Variants in CRTAP observed in about 807,000 individuals in gnomAD.
CRTAP encodes the protein cartilage associated protein.
A neutral mutation model predicts 42.7 loss-of-function variants in CRTAP; 33 were observed. That is an observed-to-expected ratio of 0.77 (90% CI 0.59 to 1.03). The LOEUF is 1.03. CRTAP is among the 50% of genes least tolerant of loss of function. The pLI, the probability that CRTAP is intolerant of heterozygous loss-of-function variation, is 0.00. For synonymous variants in CRTAP, 243 were observed against 217.7 expected (o/e 1.12, Z -1.02); for missense variants, 613 against 533.9 (o/e 1.15, Z -1.46).
rs748864250 is a variant in CRTAP at position 33,129,927 on chromosome 3, G to T, written c.794-12G>T. 6.2e-7 allele frequency: 1 copy of T among 1,611,362 alleles called. No homozygotes were observed. The highest frequency in any genetic ancestry group is 8.5e-7 in the Non-Finnish European group (1 of 1,177,738). ...GATCCACTGCTCTGAAAATTTATAT[G>T]TTTTGTTTCAGATCATTATGTAGAA... On this transcript the variant is annotated splice_polypyrimidine_tract_variant and intron_variant, in intron 3 of 6. Transcript: ENST00000320954.
chr3:33,130,535 T>C (rs1316440358), intron 4 of CRTAP, among the ~76,000 whole-genome samples: 4 of 128,792 alleles, frequency 3.1e-5, no homozygotes, highest in Non-Finnish European at 6.7e-5. Flanking sequence ...CTTTTTTTTT[T>C]TTTTTTTTTT....
At position 33,121,747 on chromosome 3, in the gene CRTAP, G is replaced by A. The variant is rs568573999; in HGVS notation, c.621+1254G>A. On this transcript the variant is annotated intron_variant, in intron 2 of 6. Transcript: ENST00000320954. The stretch of plus-strand genomic sequence containing the variant: ...CATGCCTCCACTTGGCCTCTGCTAC[G>A]TCTGGTCCCTGACTCCTCAGCCTTT... 4.6e-5 allele frequency among the ~76,000 whole-genome samples: 7 copies of A among 152,270 alleles called. No homozygotes were observed. In the South Asian group the frequency reaches 1.0e-3, roughly 23 times the overall value.
At position 33,124,552 on chromosome 3, in the gene CRTAP, T is replaced by C; in HGVS notation, c.766T>C (p.Phe256Leu). ...CGAGGGTTCCAGGGAGATCAAGGAC[T>C]TCAAGGATTTCTACCTTTCCATAGC... ...ACEGSREIKD[F>L]KDFYLSIADH... Residue 256 changes from phenylalanine to leucine, a missense_variant, in exon 3 of 7, where the codon TTC (phenylalanine) becomes CTC (leucine). By Grantham distance (22) the Phe-to-Leu change is conservative (BLOSUM62 0). Coordinates refer to ENST00000320954, the MANE Select transcript of CRTAP (RefSeq NM_006371.5). The C allele has an allele frequency of 6.2e-7, 1 of 1,614,260 alleles. No homozygotes were observed. Among genetic ancestry groups the C allele is most frequent in the South Asian group, 1.1e-5 (1 of 91,092 alleles).
chr3:33,140,983 C>T (rs965751726), intron 6 of CRTAP, among the ~76,000 whole-genome samples: 6 of 148,950 alleles, frequency 4.0e-5, no homozygotes, highest in African/African-American at 1.0e-4. Context: ...TGGTGTGTAA[C>T]CTCCCTGTCA....
At chr3:33,125,348 G>T (rs1201242217) in intron 3 of CRTAP, among the ~76,000 whole-genome samples, 2 of 152,018 alleles carry the variant, frequency 1.3e-5, no homozygotes, top group Non-Finnish European at 2.9e-5. Context: ...CCCACTTGAA[G>T]AATCATTGTG....
chr3:33,123,845 G>A (rs1359712014), intron 2 of CRTAP, among the ~76,000 whole-genome samples: 1 of 151,876 alleles, frequency 6.6e-6, no homozygotes, highest in African/African-American at 2.4e-5. Context: ...CATGCTAGAG[G>A]TATTTCTTTA....
In CRTAP at chr3:33,114,202, T is replaced by C. The variant is rs761551356; in HGVS notation, c.125T>C (p.Met42Thr). 9.4e-6 allele frequency: 15 copies of C among 1,594,328 alleles called. No individual in the cohort carries two copies. Among genetic ancestry groups the C allele is most frequent in the Middle Eastern group, 1.7e-4 (1 of 5,942 alleles). ...CGCAGCTTCCCACGGGACGAGCTGA[T>C]GCCGCTCGAGTCGGCCTACCGGCAC... ...SFRSFPRDEL[M>T]PLESAYRHAL... The change falls in exon 1 of 7, where the codon ATG (methionine) becomes ACG (threonine). Residue 42 changes from methionine to threonine, a missense_variant. Coordinates refer to ENST00000320954, the MANE Select transcript of CRTAP (RefSeq NM_006371.5).
In CRTAP at chr3:33,142,405, T is replaced by C; in HGVS notation, c.1163T>C (p.Val388Ala). The change falls in exon 7 of 7, where the codon GTG becomes GCG. Residue 388 changes from valine (V) to alanine (A), a missense_variant. Val to Ala is a moderately conservative substitution (Grantham distance 64, BLOSUM62 0). Coordinates refer to ENST00000320954, the MANE Select transcript of CRTAP (RefSeq NM_006371.5). Reference protein sequence around the residue: ...NIMDDDEGEVVEYVDDLLELE... With the variant: ...NIMDDDEGEVAEYVDDLLELE... ...TGTTGTCTCTTACAGGGAGAAGTTGTGGAATATGTGGATGACCTCTTGGAA... is the reference window on the plus strand; with the variant it reads ...TGTTGTCTCTTACAGGGAGAAGTTGCGGAATATGTGGATGACCTCTTGGAA... 6.2e-7 allele frequency: 1 copy of C among 1,614,074 alleles called. No individual in the cohort carries two copies. Among genetic ancestry groups the C allele is most frequent in the East Asian group, 2.2e-5 (1 of 44,890 alleles).
chr3:33,129,421 A>G (rs570881596), intron 3 of CRTAP, among the ~76,000 whole-genome samples: 2 of 152,190 alleles, frequency 1.3e-5, no homozygotes, highest in South Asian at 4.2e-4. Context: ...ATTTCTATTA[A>G]TATCATTTGG....
rs1472220358 is a variant in CRTAP, at chr3:33,142,786, C to G, written c.*338C>G. 2 of 270,372 alleles carry G rather than the reference C, an allele frequency of 7.4e-6. No homozygotes were observed. Among genetic ancestry groups the G allele is most frequent in the Non-Finnish European group, 1.5e-5 (2 of 137,324 alleles). The allele number at this position is 270,372 out of a possible 1,614,324, so 16.7% of individuals were successfully genotyped here. A position where few individuals can be genotyped will look rare whatever the true frequency, so the allele number is the denominator to read the frequency against. On this transcript the variant is annotated 3_prime_UTR_variant, in exon 7 of 7. Transcript: ENST00000320954. ...TCTGCTGCATCAGCCTCCCGAGTAC[C>G]TGGGATTACAGGCATGTGCCACCAC...
intron 4 of CRTAP, among the ~76,000 whole-genome samples, chr3:33,131,972 A>T (rs1038684577): frequency 6.6e-6 from 1 of 151,770 alleles, no homozygotes; most frequent in Non-Finnish European, 1.5e-5. Flanking sequence ...CAAAATCCCT[A>T]TGCTGAAGGT....
intron 3 of CRTAP, among the ~76,000 whole-genome samples, chr3:33,127,003 T>C (rs895690069): frequency 2.0e-5 from 3 of 152,128 alleles, no homozygotes; most frequent in Non-Finnish European, 4.4e-5. Context: ...CAACCATATA[T>C]ACATTTGTTC....
chr3:33,130,092 G>C (rs2030207413), intron 4 of CRTAP, 25 bp downstream of exon 4: 1 of 1,608,770 alleles, frequency 6.2e-7, no homozygotes, highest in Non-Finnish European at 8.5e-7. Flanking sequence ...GTGACATCTT[G>C]GGTGAGGCAC....
At chr3:33,129,455 C>T (rs2030172279) in intron 3 of CRTAP, among the ~76,000 whole-genome samples, 2 of 149,600 alleles carry the variant, frequency 1.3e-5, no homozygotes, top group Admixed American at 6.7e-5. Flanking sequence ...GGATGTTCAT[C>T]TTTTTCATAT....
chr3:33,124,408 A>G lies in CRTAP; in HGVS notation c.622A>G (p.Ser208Gly), dbSNP rs1015678841. The change falls in exon 3 of 7, where the codon AGC (serine) becomes GGC (glycine). Residue 208 changes from serine to glycine, a missense_variant and splice_region_variant. Transcript: ENST00000320954. ...IKDLETKSYE[S>G]LFIRAVRAYN... ...TCACTGGCTTCTCCATGCCTTTCAGAGCCTGTTCATCCGAGCAGTGCGGGC... is the reference window on the plus strand; with the variant it reads ...TCACTGGCTTCTCCATGCCTTTCAGGGCCTGTTCATCCGAGCAGTGCGGGC... 1.2e-6 allele frequency: 2 copies of G among 1,613,858 alleles called. No homozygotes were observed. Among genetic ancestry groups the G allele is most frequent in the African/African-American group, 2.7e-5 (2 of 74,878 alleles).
chr3:33,116,497 T>C (rs1282110580), intron 1 of CRTAP, among the ~76,000 whole-genome samples: 1 of 152,190 alleles, frequency 6.6e-6, no homozygotes, highest in Non-Finnish European at 1.5e-5. Context: ...TAGCTGGGAT[T>C]ACGGGCATGT....
In CRTAP at chr3:33,145,691, A is replaced by C. The variant is rs114378448; in HGVS notation, c.*3243A>C. ...CAGCTGTGTGAGAAAATGAAAGCCG[A>C]CGTCCACAGGGACCCAGGCAGGGTT... On this transcript the variant is annotated 3_prime_UTR_variant, in exon 7 of 7. Transcript: ENST00000320954. The surrounding 1 kb of genome is among the most constrained non-coding windows in gnomAD (Gnocchi z 4.3). The C allele has an allele frequency of 0.021, 3,259 of 152,408 alleles. 114 individuals are homozygous for C. The highest frequency in any genetic ancestry group is 0.073 in the African/African-American group (3,043 of 41,524). The allele number at this position is 152,408 out of a possible 1,614,324, so 9.4% of individuals were successfully genotyped here.
At chr3:33,123,625 G>GTTTTTTTT (rs141876885) in intron 2 of CRTAP, among the ~76,000 whole-genome samples, 1 of 106,372 alleles carries the variant, frequency 9.4e-6, no homozygotes, top group Non-Finnish European at 1.8e-5. Context: ...CCCAGTCTCG[G>GTTTTTTTT]TTTTTTTTTT....
chr3:33,116,984 C>G (rs1219432175), intron 1 of CRTAP, among the ~76,000 whole-genome samples: 4 of 152,062 alleles, frequency 2.6e-5, no homozygotes, highest in East Asian at 1.9e-4. Flanking sequence ...GCGTGCCTTT[C>G]TAGTTTCAGC....
Sources: gnomAD v4.1 joint callset for allele counts (sites outside exome capture counted in the v4.1 genomes callset) on GRCh38, gnomAD v4.1.1 for gene constraint, Gnocchi (gnomAD v3.1) non-coding constraint, MANE v1.5 for transcripts, NCBI Gene and HGNC (gene_info 2026-07-23, HGNC 2026-07-21) for gene names.